RPRD2: variants seen among roughly 807,000 people sequenced by gnomAD.
The protein encoded by RPRD2 is regulation of nuclear pre-mRNA domain-containing protein 2.
Under a neutral mutation model 104.4 loss-of-function variants are expected in RPRD2, and 12 were observed. The observed-to-expected ratio is 0.11, with a 90% CI of 0.07 to 0.19. RPRD2 has a LOEUF of 0.19. Among genes scored for constraint, RPRD2 ranks in the 10% least tolerant of loss-of-function variants. The pLI is 1.00. For synonymous variants in RPRD2, 714 were observed against 684.9 expected, an observed-to-expected ratio of 1.04 and a Z score of -0.66; for missense variants, 1,543 against 1,790.1, an observed-to-expected ratio of 0.86 and a Z score of 2.49.
chr1:150,422,683 A>G (rs1340517374), intron 2 of RPRD2, among the ~76,000 whole-genome samples: 2 of 152,184 alleles, frequency 1.3e-5, no homozygotes, highest in African/African-American at 4.8e-5. Flanking sequence ...ATGAAGTCAC[A>G]CCATTTTTAT....
chr1:150,393,041 T>C (rs927661017), intron 1 of RPRD2, among the ~76,000 whole-genome samples: 4 of 152,164 alleles, frequency 2.6e-5, no homozygotes, highest in African/African-American at 9.7e-5. Flanking sequence ...GTTCAGATTT[T>C]TTTTAAAAAT....
At chr1:150,466,801 G>A (rs1553900128) in intron 10 of RPRD2, among the ~76,000 whole-genome samples, 1 of 151,968 alleles carries the variant, frequency 6.6e-6, no homozygotes, top group African/African-American at 2.4e-5. Context: ...TTATGCTCCA[G>A]ATACCAATGA....
intron 10 of RPRD2, among the ~76,000 whole-genome samples, chr1:150,465,822 G>A (rs1668225402): frequency 6.6e-6 from 1 of 151,994 alleles, no homozygotes; most frequent in Non-Finnish European, 1.5e-5. Flanking sequence ...ACTTTGGGAG[G>A]CTGAGGCGGG....
At chr1:150,376,008 A>G (rs1660655955) in intron 1 of RPRD2, among the ~76,000 whole-genome samples, 3 of 152,210 alleles carry the variant, frequency 2.0e-5, no homozygotes, top group Admixed American at 2.0e-4. Flanking sequence ...CTTAGGGAGA[A>G]AGTAGTAGAA....
rs375227138 is a variant in RPRD2, at chr1:150,365,671, C to T, written c.205+752C>T. 6.3e-4 allele frequency among the ~76,000 whole-genome samples: 96 copies of T among 152,214 alleles called. 1 individual carries two copies. The East Asian group carries it at 0.018, about 28-fold the overall frequency. On this transcript the variant is annotated intron_variant, in intron 1 of 10. Transcript: ENST00000369068. The stretch of plus-strand genomic sequence containing the variant: ...GTGGCGCGATCTCGGCTCACTGCAA[C>T]CTCCACCTCCCGGGTTCAAGCGATT...
At chr1:150,403,240 T>A (rs587718819) in intron 1 of RPRD2, among the ~76,000 whole-genome samples, 3 of 152,314 alleles carry the variant, frequency 2.0e-5, no homozygotes, top group Admixed American at 2.0e-4. Context: ...ACATATATAT[T>A]ATCAGTTTTT....
chr1:150,364,682 A>G lies in RPRD2; in HGVS notation c.-33A>G, dbSNP rs587743077. ...CGCCGCCGCCGCCGCCGCCGCCGCC[A>G]GAGGAGCAGCAGCGCTTGTGCAAAC... On this transcript the variant is annotated 5_prime_UTR_variant, in exon 1 of 11. Coordinates refer to ENST00000369068, the MANE Select transcript of RPRD2 (RefSeq NM_015203.5). The G allele has an allele frequency of 1.0e-3, 1,297 of 1,283,266 alleles. 1 individual carries two copies. The highest frequency in any genetic ancestry group is 1.8e-3 in the Admixed American group (65 of 36,482). 79.5% of individuals were successfully genotyped at this position (1,283,266 alleles called of 1,614,324 possible).
chr1:150,447,204 C>T (rs1666841475), intron 7 of RPRD2, among the ~76,000 whole-genome samples: 2 of 152,004 alleles, frequency 1.3e-5, no homozygotes, highest in Non-Finnish European at 2.9e-5. Context: ...CTCCTGCCCA[C>T]CTTGGCCTCC....
At chr1:150,457,604 C>A in intron 8 of RPRD2, 34 bp downstream of exon 8, 1 of 1,590,282 alleles carries the variant, frequency 6.3e-7, no homozygotes, top group Non-Finnish European at 8.6e-7. Flanking sequence ...ACAACTTATT[C>A]CTTATCTGTT....
intron 1 of RPRD2, among the ~76,000 whole-genome samples, chr1:150,385,203 T>C (rs183677280): frequency 1.3e-4 from 20 of 152,278 alleles, no homozygotes; most frequent in Admixed American, 5.9e-4. Flanking sequence ...GGCTCATGCC[T>C]GTAATCCCAG....
chr1:150,435,306 AC>A (rs1553892889), intron 2 of RPRD2, among the ~76,000 whole-genome samples: 2 of 152,200 alleles, frequency 1.3e-5, no homozygotes, highest in Non-Finnish European at 2.9e-5. Flanking sequence ...TAATAGCCCT[AC>A]AGTGGCCTCT....
intron 6 of RPRD2, 146 bp downstream of exon 6, chr1:150,444,523 C>T (rs782773463): frequency 4.3e-6 from 3 of 701,812 alleles, no homozygotes; most frequent in African/African-American, 3.6e-5. Flanking sequence ...TTATTTCATG[C>T]ATATAAATTT....
rs1488573732 is a variant in RPRD2, at chr1:150,428,832, C to CT, written c.335+11110dup. On this transcript the variant is annotated intron_variant, in intron 2 of 10. Transcript: ENST00000369068. Reference sequence around the variant, plus strand: ...TGACATCTGGACACCTCCTCTTGTACTTTATCAACTTTCCCCTTTAAAATA... The same window carrying CT: ...TGACATCTGGACACCTCCTCTTGTACTTTTATCAACTTTCCCCTTTAAAATA... Among the ~76,000 whole-genome samples the CT allele has an allele frequency of 5.3e-5, 8 of 152,178 alleles. No homozygotes were observed. In the South Asian group the frequency reaches 6.2e-4, roughly 12 times the overall value.
chr1:150,456,898 C>A (rs1233535532), intron 7 of RPRD2, among the ~76,000 whole-genome samples: 1 of 149,734 alleles, frequency 6.7e-6, no homozygotes, highest in Non-Finnish European at 1.5e-5. Context: ...GCACTGCAGC[C>A]TGGGCAACAA....
intron 7 of RPRD2, among the ~76,000 whole-genome samples, chr1:150,453,955 T>G (rs1667359191): frequency 6.6e-6 from 1 of 152,190 alleles, no homozygotes; most frequent in African/African-American, 2.4e-5. Context: ...TCTGGTTCAC[T>G]CCAGCTTCTG....
intron 3 of RPRD2, 175 bp from the exon 4 acceptor site, chr1:150,441,706 A>G: frequency 2.1e-6 from 1 of 479,082 alleles, no homozygotes; most frequent in Non-Finnish European, 3.8e-6. Context: ...TTTATTTGAC[A>G]GCTTCTTAGA....
intron 7 of RPRD2, among the ~76,000 whole-genome samples, chr1:150,451,417 G>A (rs12120779): frequency 0.22 from 33,585 of 151,898 alleles, 4,186 homozygotes; most frequent in African/African-American, 0.32. Flanking sequence ...GCTCAAGCCT[G>A]TAATCCCAGC....
intron 9 of RPRD2, among the ~76,000 whole-genome samples, chr1:150,463,505 C>A (rs185049499): frequency 2.0e-5 from 3 of 152,096 alleles, no homozygotes; most frequent in Non-Finnish European, 1.5e-5. Context: ...ATTTCCATTT[C>A]TTCTATGAAA....
chr1:150,470,244 C>A (rs1378784253), intron 10 of RPRD2, among the ~76,000 whole-genome samples: 2 of 152,034 alleles, frequency 1.3e-5, no homozygotes, highest in South Asian at 2.1e-4. Context: ...CTTTCTTTTC[C>A]TGCTTTGCCT....
Sources: allele counts gnomAD v4.1 joint callset (sites outside exome capture counted in the v4.1 genomes callset), GRCh38; gene constraint gnomAD v4.1.1; transcripts MANE v1.5; gene names NCBI Gene and HGNC (gene_info 2026-07-23, HGNC 2026-07-21).